The following HSPB7 variants were observed in gnomAD, a reference collection of about 807,000 sequenced individuals.
HSPB7 encodes the protein heat shock protein beta-7.
In HSPB7, 9 loss-of-function variants were observed where a neutral mutation model predicts 11.0. The observed-to-expected ratio is 0.82, with a 90% CI of 0.49 to 1.43. HSPB7 has a LOEUF of 1.43. Among genes scored for constraint, HSPB7 ranks in the 40% most tolerant of loss-of-function variants. The pLI, the probability that HSPB7 is intolerant of heterozygous loss-of-function variation, is 0.00. For synonymous variants in HSPB7, 102 were observed against 101.6 expected, an observed-to-expected ratio of 1.00 and a Z score of -0.02; for missense variants, 246 against 243.9, an observed-to-expected ratio of 1.01 and a Z score of -0.06.
upstream of HSPB7, chr1:16,019,434 G>A: frequency 6.5e-7 from 1 of 1,550,076 alleles, no homozygotes. Flanking sequence ...CCAACTGGCA[G>A]TTCCCACGGG....
Position 16,014,681 on chromosome 1 carries a change from T to G in HSPB7, c.*899A>C, listed in dbSNP as rs16852203. ...TTCATAGATTAAAGAGGGGGATGGATGGAGAGCTGACTGCCCGGAGGGGAA... is the reference window on the plus strand; with the variant it reads ...TTCATAGATTAAAGAGGGGGATGGAGGGAGAGCTGACTGCCCGGAGGGGAA... On this transcript the variant is annotated 3_prime_UTR_variant, in exon 3 of 3. Coordinates refer to ENST00000311890, the MANE Select transcript of HSPB7 (RefSeq NM_014424.5). The G allele has an allele frequency of 6.6e-6, 1 of 152,132 alleles. No homozygotes were observed. Among genetic ancestry groups the G allele is most frequent in the Admixed American group, 6.5e-5 (1 of 15,282 alleles). The allele number at this position is 152,132 out of a possible 1,614,324, so 9.4% of individuals were successfully genotyped here. A position where few individuals can be genotyped will look rare whatever the true frequency, so the allele number is the denominator to read the frequency against.
At chr1:16,019,473 A>G, upstream of HSPB7, 8 of 1,542,322 alleles carry the variant, frequency 5.2e-6, no homozygotes, top group Non-Finnish European at 6.1e-6. Context: ...TCCCCATTAG[A>G]TTGAAGGTTC....
chr1:16,017,487 C>T (rs930574302), intron 1 of HSPB7: 2 of 588,862 alleles, frequency 3.4e-6, no homozygotes, highest in Admixed American at 3.2e-5. Context: ...CCCATCCAGC[C>T]CTCCAGGGCT....
chr1:16,018,510 T>C, upstream of HSPB7: 1 of 1,101,166 alleles, frequency 9.1e-7, no homozygotes, highest in Non-Finnish European at 1.1e-6. Flanking sequence ...GCTCCTTCCC[T>C]CAAGGCAGAC....
In HSPB7 at chr1:16,015,636, G is replaced by T. The variant is rs754084618; in HGVS notation, c.457C>A (p.Arg153Ser). Residue 153 changes from arginine (R) to serine (S), a missense_variant, in exon 3 of 3, where the codon CGT becomes AGT. Coordinates refer to ENST00000311890, the MANE Select transcript of HSPB7 (RefSeq NM_014424.5). The surrounding 1 kb of genome is among the most constrained non-coding windows in gnomAD (Gnocchi z 4.9). ...TGGACGTGTTCTGTATGCGGGTGAC[G>T]CCGTGCCCGGATAGTGAGGCTGCCG... ...EDGSLTIRAR[R>S]HPHTEHVQQT... The T allele has an allele frequency of 6.2e-7, 1 of 1,613,990 alleles. No individual in the cohort carries two copies. The highest frequency in any genetic ancestry group is 8.5e-7 in the Non-Finnish European group (1 of 1,179,946).
chr1:16,018,370 C>T (rs192050636), upstream of HSPB7: 2,052 of 1,192,584 alleles, frequency 1.7e-3, 8 homozygotes, highest in Middle Eastern at 7.1e-3. Context: ...CCCCGTCAGC[C>T]TGGGGGCTCC....
Position 16,015,853 on chromosome 1 carries a change from AGACCCCACATGCCGAGG to A in HSPB7, c.334-111_334-95del. ...TCTTCTCCCCATTCTAACCCCAGCC[AGACCCCACATGCCGAGG>A]GGCTCTGCCCTCAGGTGCCGAGGGG... On this transcript the variant is annotated intron_variant, in intron 2 of 2. Coordinates refer to ENST00000311890, the MANE Select transcript of HSPB7 (RefSeq NM_014424.5). This position sits in a 1 kb window ranked among gnomAD's most constrained non-coding sequence, Gnocchi z 4.9. 1 of 1,261,806 alleles carries A rather than the reference AGACCCCACATGCCGAGG, an allele frequency of 7.9e-7. No homozygotes were observed. Among genetic ancestry groups the A allele is most frequent in the East Asian group, 2.4e-5 (1 of 41,326 alleles). 78.2% of individuals were successfully genotyped at this position (1,261,806 alleles called of 1,614,324 possible).
chr1:16,019,580 G>T, upstream of HSPB7: 1 of 1,175,332 alleles, frequency 8.5e-7, no homozygotes. Flanking sequence ...TAGCGGTGCT[G>T]GTGGTATGTG....
chr1:16,017,762 T>C lies in HSPB7; in HGVS notation c.199+3A>G, dbSNP rs2021857227. 8 of 1,590,438 alleles carry C rather than the reference T, an allele frequency of 5.0e-6. No individual in the cohort carries two copies. Among genetic ancestry groups the C allele is most frequent in the Non-Finnish European group, 6.8e-6 (8 of 1,168,912 alleles). On this transcript the variant is annotated splice_donor_region_variant and intron_variant, in intron 1 of 2. Transcript: ENST00000311890. ...CCCTCCCCTCAGGGCCCGGATCACTTGCCTGGGAAGGCCAGGGGCTCCGAG... is the reference window on the plus strand; with the variant it reads ...CCCTCCCCTCAGGGCCCGGATCACTCGCCTGGGAAGGCCAGGGGCTCCGAG...
At chr1:16,017,341 TCC>T in intron 1 of HSPB7, 134 bp from the exon 2 acceptor site, 1 of 1,131,620 alleles carries the variant, frequency 8.8e-7, no homozygotes, top group East Asian at 2.4e-5. Flanking sequence ...CTCCCTAAGC[TCC>T]TCCTCATTCC....
chr1:16,019,089 A>G, upstream of HSPB7: 1 of 1,459,128 alleles, frequency 6.9e-7, no homozygotes, highest in Admixed American at 2.2e-5. Context: ...GAGCCAGAGA[A>G]GCCCCTCCCT....
chr1:16,017,399 A>AGT (rs1304642946), intron 1 of HSPB7, 192 bp from the exon 2 acceptor site: 5 of 680,498 alleles, frequency 7.3e-6, no homozygotes, highest in Admixed American at 2.9e-5. Flanking sequence ...CACCCAGCAC[A>AGT]GTGTGTGTGT....
intron 2 of HSPB7, among the ~76,000 whole-genome samples, chr1:16,016,372 C>CT (rs1352135465): frequency 1.3e-5 from 2 of 152,328 alleles, no homozygotes; most frequent in African/African-American, 4.8e-5. Context: ...CTCCTCTCTC[C>CT]TGGCAGCCGT....
At chr1:16,017,652 C>T (rs2021847006) in intron 1 of HSPB7, 113 bp downstream of exon 1, 3 of 835,210 alleles carry the variant, frequency 3.6e-6, no homozygotes, top group Non-Finnish European at 5.7e-6. Flanking sequence ...TGGCTGCAGG[C>T]TGTGCAGCAC....
upstream of HSPB7, chr1:16,019,040 G>A: frequency 8.5e-7 from 1 of 1,182,632 alleles, no homozygotes; most frequent in Non-Finnish European, 1.2e-6. Context: ...AGGCCGAGGT[G>A]GTTTGAACAT....
At position 16,017,083 on chromosome 1, in the gene HSPB7, C is replaced by T; in HGVS notation, c.324G>A (p.Arg108=). 7 of 1,609,492 alleles carry T rather than the reference C, an allele frequency of 4.3e-6. No individual in the cohort carries two copies. The highest frequency in any genetic ancestry group is 1.1e-5 in the South Asian group (1 of 90,932). The part of the protein sequence containing the change: ...VTTSNNHIEV[R]AEKLAADGTV... ...GGGGTGGGGGGCTCACCTTCTCAGC[C>T]CGCACCTCGATGTGGTTGTTGGAGG... Residue 108 remains arginine (R), a synonymous_variant, in exon 2 of 3, where the codon CGG becomes CGA. Coordinates refer to ENST00000311890, the MANE Select transcript of HSPB7 (RefSeq NM_014424.5).
Position 16,015,856 on chromosome 1 carries a change from C to A in HSPB7, c.334-97G>T. 8.7e-7 allele frequency: 1 copy of A among 1,150,596 alleles called. No homozygotes were observed. The highest frequency in any genetic ancestry group is 1.2e-6 in the Non-Finnish European group (1 of 826,222). The allele number at this position is 1,150,596 out of a possible 1,614,324, so 71.3% of individuals were successfully genotyped here. A position where few individuals can be genotyped will look rare whatever the true frequency, so the allele number is the denominator to read the frequency against. On this transcript the variant is annotated intron_variant, in intron 2 of 2. Coordinates refer to ENST00000311890, the MANE Select transcript of HSPB7 (RefSeq NM_014424.5). This position sits in a 1 kb window ranked among gnomAD's most constrained non-coding sequence, Gnocchi z 4.9. The stretch of plus-strand genomic sequence containing the variant: ...TCTCCCCATTCTAACCCCAGCCAGA[C>A]CCCACATGCCGAGGGGCTCTGCCCT...
upstream of HSPB7, chr1:16,019,533 G>A (rs967415189): frequency 3.4e-6 from 5 of 1,483,410 alleles, no homozygotes; most frequent in African/African-American, 4.2e-5. Context: ...AACCCAGTCT[G>A]GAGCTTCATC....
At chr1:16,017,479 C>T (rs1186363821) in intron 1 of HSPB7, 2 of 589,702 alleles carry the variant, frequency 3.4e-6, no homozygotes, top group Non-Finnish European at 5.9e-6. Flanking sequence ...ACCGCTCACC[C>T]ATCCAGCCCT....
Sources: allele counts gnomAD v4.1 joint callset (sites outside exome capture counted in the v4.1 genomes callset), GRCh38; gene constraint gnomAD v4.1.1; non-coding constraint Gnocchi (gnomAD v3.1); transcripts MANE v1.5; gene names NCBI Gene and HGNC (gene_info 2026-07-23, HGNC 2026-07-21).